AXIN2: variants seen among roughly 807,000 people sequenced by gnomAD.
AXIN2 encodes the protein axin 2.
In AXIN2, 21 loss-of-function variants were observed where a neutral mutation model predicts 74.7. That is an observed-to-expected ratio of 0.28 (90% CI 0.20 to 0.40). AXIN2 has a LOEUF of 0.40. AXIN2 is among the 10% of genes least tolerant of loss of function. AXIN2 has a pLI of 1.00. For missense variants in AXIN2, 1,144 were observed against 1,111.1 expected (o/e 1.03, Z -0.42); for synonymous variants, 532 against 454.9 (o/e 1.17, Z -2.16).
intron 2 of AXIN2, among the ~76,000 whole-genome samples, chr17:65,555,011 AT>A (rs1422312181): frequency 6.6e-6 from 1 of 152,140 alleles, no homozygotes; most frequent in Admixed American, 6.5e-5. Context: ...AAGCCCAGGC[AT>A]CCCCCTCAAC....
chr17:65,537,453 T>G lies in AXIN2; in HGVS notation c.1583A>C (p.Lys528Thr). ...YIHHHAVPKT[K>T]EEIEAEATQR... The stretch of plus-strand genomic sequence containing the variant: ...CGTGGCCTCCGCCTCGATCTCCTCC[T>G]TGGTCTTGGGGACGGCATGGTGGTG... The change falls in exon 6 of 11, where the codon AAG (lysine) becomes ACG (threonine). Residue 528 changes from lysine to threonine, a missense_variant. Physicochemically the swap from Lys to Thr is moderately conservative, Grantham distance 78 (BLOSUM62 -1). Transcript: ENST00000307078. The G allele has an allele frequency of 6.2e-7, 1 of 1,613,810 alleles. No individual in the cohort carries two copies. The highest frequency in any genetic ancestry group is 8.5e-7 in the Non-Finnish European group (1 of 1,179,950).
rs7591 is a variant in AXIN2, at chr17:65,528,964, A to T, written c.*1012T>A. ...ATTAACTTAACACAAAAACCCGAAC[A>T]TCAAAATGAAGGTGTGTGGAGGAAA... On this transcript the variant is annotated 3_prime_UTR_variant, in exon 11 of 11. Transcript: ENST00000307078. 142,157 of 271,810 alleles carry T rather than the reference A, an allele frequency of 0.52. 40,021 individuals carry two copies. The highest frequency in any genetic ancestry group is 0.6 in the Non-Finnish European group (87,000 of 144,116). The allele number at this position is 271,810 out of a possible 1,614,324, so 16.8% of individuals were successfully genotyped here. A position where few individuals can be genotyped will look rare whatever the true frequency, so the allele number is the denominator to read the frequency against.
intron 4 of AXIN2, among the ~76,000 whole-genome samples, chr17:65,539,787 T>C (rs2044014105): frequency 6.6e-6 from 1 of 152,222 alleles, no homozygotes; most frequent in South Asian, 2.1e-4. Context: ...CAGGAAGGAT[T>C]CATAAACACC....
chr17:65,545,873 T>A (rs1041277646), intron 3 of AXIN2, among the ~76,000 whole-genome samples: 12 of 152,152 alleles, frequency 7.9e-5, no homozygotes, highest in Admixed American at 2.6e-4. Context: ...CTCCCTGGAA[T>A]AACCAACCAA....
intron 5 of AXIN2, 106 bp downstream of exon 5, chr17:65,538,097 A>G: frequency 6.4e-7 from 1 of 1,570,454 alleles, no homozygotes; most frequent in Non-Finnish European, 8.6e-7. Flanking sequence ...ATGCGCATGC[A>G]ACCCACGCAC....
Position 65,538,362 on chromosome 17 carries a change from A to G in AXIN2, c.1060-19T>C, listed in dbSNP as rs778629171. ...GGGTTCTCTACAGGACGTGGAAAGG[A>G]AAGGGAGGAGGCACGTTCAGCAGGC... On this transcript the variant is annotated intron_variant, in intron 4 of 10. Coordinates refer to ENST00000307078, the MANE Select transcript of AXIN2 (RefSeq NM_004655.4). 3 of 1,613,694 alleles carry G rather than the reference A, an allele frequency of 1.9e-6. No homozygotes were observed. Among genetic ancestry groups the G allele is most frequent in the Admixed American group, 3.3e-5 (2 of 59,986 alleles).
At chr17:65,538,109 T>G (rs560290257) in intron 5 of AXIN2, 94 bp downstream of exon 5, 2 of 1,593,458 alleles carry the variant, frequency 1.3e-6, no homozygotes, top group Non-Finnish European at 8.5e-7. Context: ...CCCACGCACA[T>G]GCGCACACCC....
In AXIN2 at chr17:65,537,455, G is replaced by A; in HGVS notation, c.1581C>T (p.Thr527=). 6.2e-7 allele frequency: 1 copy of A among 1,613,980 alleles called. No homozygotes were observed. Among genetic ancestry groups the A allele is most frequent in the Non-Finnish European group, 8.5e-7 (1 of 1,180,008 alleles). The change falls in exon 6 of 11, where the codon ACC becomes ACT. Residue 527 remains threonine, a synonymous_variant. Coordinates refer to ENST00000307078, the MANE Select transcript of AXIN2 (RefSeq NM_004655.4). ...TGGCCTCCGCCTCGATCTCCTCCTTGGTCTTGGGGACGGCATGGTGGTGGA... is the reference window on the plus strand; with the variant it reads ...TGGCCTCCGCCTCGATCTCCTCCTTAGTCTTGGGGACGGCATGGTGGTGGA... ...HYIHHHAVPK[T]KEEIEAEATQ... is the part of the protein sequence containing the mutation.
intron 3 of AXIN2, among the ~76,000 whole-genome samples, chr17:65,544,584 G>C (rs2044090895): frequency 6.6e-6 from 1 of 152,154 alleles, no homozygotes; most frequent in South Asian, 2.1e-4. Flanking sequence ...CATTCCAAAA[G>C]GGGGCCTCTC....
rs2043931823 is a variant in AXIN2, at chr17:65,536,893, C to T, written c.1883G>A (p.Arg628Gln). 6.2e-6 allele frequency: 10 copies of T among 1,613,448 alleles called. No individual in the cohort carries two copies. Among genetic ancestry groups the T allele is most frequent in the Non-Finnish European group, 7.6e-6 (9 of 1,179,946 alleles). The change falls in exon 7 of 11, where the codon CGG (arginine) becomes CAG (glutamine). Residue 628 changes from arginine to glutamine, a missense_variant. This residue lies in a region of AXIN2 where 1,053 missense variants were observed against 973.5 expected (regional missense o/e 1.08). Transcript: ENST00000307078. ...CCTATGGGGCTTGGGCTTGCTCTGC[C>T]GCTCACTCTCCAGCATCCACTGCCA... ...DVWQWMLESE[R>Q]QSKPKPHSAQ...
In AXIN2 at chr17:65,557,802, T is replaced by C. The variant is rs565020131; in HGVS notation, c.815+4A>G. 103 of 1,614,128 alleles carry C rather than the reference T, an allele frequency of 6.4e-5. No homozygotes were observed. The East Asian group carries it at 2.0e-3, about 32-fold the overall frequency. Reference sequence around the variant, plus strand: ...CAGCCCACCCGCCCCCGTCAAAGTCTTACCTGTATCCACTGTCAACAGTTT... The same window carrying C: ...CAGCCCACCCGCCCCCGTCAAAGTCCTACCTGTATCCACTGTCAACAGTTT... On this transcript the variant is annotated splice_donor_region_variant and intron_variant, in intron 2 of 10. Coordinates refer to ENST00000307078, the MANE Select transcript of AXIN2 (RefSeq NM_004655.4).
At chr17:65,538,094 T>C (rs768587928) in intron 5 of AXIN2, 109 bp downstream of exon 5, 9 of 1,577,398 alleles carry the variant, frequency 5.7e-6, no homozygotes, top group South Asian at 2.3e-5. Context: ...CGCATGCGCA[T>C]GCAACCCACG....
chr17:65,549,752 C>A, intron 2 of AXIN2, 92 bp from the exon 3 acceptor site: 1 of 1,495,384 alleles, frequency 6.7e-7, no homozygotes, highest in Non-Finnish European at 9.1e-7. Context: ...CACACTATCC[C>A]ACAATCTGCT....
intron 1 of AXIN2, chr17:65,560,115 G>C (rs1013401024): frequency 6.6e-6 from 1 of 152,478 alleles, no homozygotes; most frequent in Admixed American, 6.5e-5. Context: ...CCGGGCGGGG[G>C]GTCGGTCCCC....
At chr17:65,553,417 A>C (rs2044221449) in intron 2 of AXIN2, among the ~76,000 whole-genome samples, 1 of 152,136 alleles carries the variant, frequency 6.6e-6, no homozygotes, top group African/African-American at 2.4e-5. Flanking sequence ...TGGTGGTATT[A>C]ACACATCAAC....
chr17:65,538,050 C>CCACGCCCAGGCACACACCCA lies in AXIN2; in HGVS notation c.1200+133_1200+152dup, dbSNP rs2043970513. 1.5e-5 allele frequency: 22 copies of CCACGCCCAGGCACACACCCA among 1,436,230 alleles called. No individual in the cohort carries two copies. The South Asian group carries it at 2.6e-4, about 17-fold the overall frequency. The allele number at this position is 1,436,230 out of a possible 1,614,324, so 89.0% of individuals were successfully genotyped here. A position where few individuals can be genotyped will look rare whatever the true frequency, so the allele number is the denominator to read the frequency against. ...CAACCCATGCACATGCGCACACAGC[C>CCACGCCCAGGCACACACCCA]CACGCCCAGGCACACACCCACACGC... is the stretch of plus-strand genomic sequence containing the variant. On this transcript the variant is annotated intron_variant, in intron 5 of 10. Coordinates refer to ENST00000307078, the MANE Select transcript of AXIN2 (RefSeq NM_004655.4).
At position 65,537,029 on chromosome 17, in the gene AXIN2, C is replaced by T. The variant is rs748860876; in HGVS notation, c.1747G>A (p.Gly583Arg). ...GCCAGGCCCGGCTCCGTGCCTTTCC[C>T]ATTGCGTTTGGGCAAGGTACTGCCT... is the stretch of plus-strand genomic sequence containing the variant. Reference protein sequence around the residue: ...SRGSTLPKRNGKGTEPGLALP... With the variant: ...SRGSTLPKRNRKGTEPGLALP... The change falls in exon 7 of 11, where the codon GGG (glycine) becomes AGG (arginine). Residue 583 changes from glycine (G) to arginine (R), a missense_variant. Gly to Arg is a moderately radical substitution (Grantham distance 125). Coordinates refer to ENST00000307078, the MANE Select transcript of AXIN2 (RefSeq NM_004655.4). 99 of 1,609,562 alleles carry T rather than the reference C, an allele frequency of 6.2e-5. No homozygotes were observed. The highest frequency in any genetic ancestry group is 8.1e-5 in the Non-Finnish European group (96 of 1,179,880).
intron 2 of AXIN2, among the ~76,000 whole-genome samples, chr17:65,555,052 A>G (rs1288893758): frequency 2.0e-5 from 3 of 152,122 alleles, no homozygotes; most frequent in African/African-American, 7.2e-5. Flanking sequence ...CCCTCTGAGG[A>G]TAATTCCTGC....
intron 8 of AXIN2, among the ~76,000 whole-genome samples, chr17:65,536,055 T>C (rs771643349): frequency 1.8e-4 from 27 of 152,338 alleles, no homozygotes; most frequent in Middle Eastern, 3.4e-3. Flanking sequence ...ATGGGATTTG[T>C]AAGCAATTGC....
Sources: gnomAD v4.1 joint callset for allele counts (sites outside exome capture counted in the v4.1 genomes callset) on GRCh38, gnomAD v4.1.1 for gene constraint, gnomAD v4.1.1 regional missense constraint, MANE v1.5 for transcripts, NCBI Gene and HGNC (gene_info 2026-07-23, HGNC 2026-07-21) for gene names.